BTRC: variants seen among roughly 807,000 people sequenced by gnomAD.
BTRC encodes beta-transducin repeat containing E3 ubiquitin protein ligase.
BTRC carries 42 observed loss-of-function variants against 85.5 expected under a neutral mutation model. The observed-to-expected ratio is 0.49, with a 90% CI of 0.38 to 0.64. The LOEUF is 0.64. BTRC is among the 30% of genes least tolerant of loss of function. BTRC has a pLI of 0.00. For synonymous variants in BTRC, 255 were observed against 263.3 expected (o/e 0.97, Z 0.30); for missense variants, 594 against 743.5 (o/e 0.80, Z 2.34).
chr10:101,414,343 A>G (rs1589437900), intron 1 of BTRC, among the ~76,000 whole-genome samples: 1 of 152,312 alleles, frequency 6.6e-6, no homozygotes, highest in Non-Finnish European at 1.5e-5. Context: ...ATGTAACGTC[A>G]TATAATGCAA....
Position 101,522,359 on chromosome 10 carries a change from AAAAAAAACAAAAAAAAAC to A in BTRC, c.556+497_556+514del, listed in dbSNP as rs1175954218. 2.1e-3 allele frequency among the ~76,000 whole-genome samples: 148 copies of A among 71,430 alleles called. 1 individual carries two copies. The highest frequency in any genetic ancestry group is 7.8e-3 in the African/African-American group (139 of 17,888). The allele number at this position is 71,430 out of a possible 152,430, so 46.9% of individuals were successfully genotyped here. On this transcript the variant is annotated intron_variant, in intron 5 of 14. Coordinates refer to ENST00000370187, the MANE Select transcript of BTRC (RefSeq NM_033637.4). Reference sequence around the variant, plus strand: ...CCAGCTGGTATAAAGCTTTAAAAAAAAAAAAAACAAAAAAAAACAAAAAAAAAAAAACTCTAGAAATAA... The same window carrying A: ...CCAGCTGGTATAAAGCTTTAAAAAAAAAAAAAAAAAAAACTCTAGAAATAA...
intron 4 of BTRC, among the ~76,000 whole-genome samples, chr10:101,519,456 G>C (rs571394541): frequency 4.7e-4 from 72 of 152,178 alleles, no homozygotes; most frequent in African/African-American, 1.6e-3. Flanking sequence ...CTTACTGGCT[G>C]TCAGCTGGGG....
chr10:101,455,990 A>ACACACACACACACACACACACACACACG (rs1945069169), intron 2 of BTRC, among the ~76,000 whole-genome samples: 1 of 147,306 alleles, frequency 6.8e-6, no homozygotes, highest in Non-Finnish European at 1.5e-5. Flanking sequence ...AAAAACACAC[A>ACACACACACACACACACACACACACACG]CACACACACA....
chr10:101,530,027 AT>A (rs1296477506), intron 6 of BTRC, among the ~76,000 whole-genome samples: 1 of 152,072 alleles, frequency 6.6e-6, no homozygotes. Context: ...GAGGAATTAA[AT>A]TTTTTACCCA....
chr10:101,387,887 G>A (rs1215155566), intron 1 of BTRC, among the ~76,000 whole-genome samples: 1 of 151,766 alleles, frequency 6.6e-6, no homozygotes, highest in Admixed American at 6.6e-5. Flanking sequence ...ACGGGGCTTT[G>A]CCATGTTGGT....
At chr10:101,522,150 C>T (rs1335106737) in intron 5 of BTRC, among the ~76,000 whole-genome samples, 2 of 145,808 alleles carry the variant, frequency 1.4e-5, no homozygotes, top group African/African-American at 2.5e-5. Flanking sequence ...ACGCCATTCT[C>T]CTGCCTCAGC....
intron 1 of BTRC, among the ~76,000 whole-genome samples, chr10:101,414,979 T>A (rs11190999): frequency 1.2e-3 from 190 of 152,144 alleles, no homozygotes; most frequent in African/African-American, 4.3e-3. Flanking sequence ...GACAAAAGTA[T>A]GTTTTAATAA....
At chr10:101,362,500 A>C (rs184637718) in intron 1 of BTRC, among the ~76,000 whole-genome samples, 1 of 151,366 alleles carries the variant, frequency 6.6e-6, no homozygotes, top group Non-Finnish European at 1.5e-5. Context: ...GGTTCAAGCT[A>C]TTCTCCTGCC....
chr10:101,527,957 A>T (rs1350360930), intron 6 of BTRC, among the ~76,000 whole-genome samples: 1 of 152,132 alleles, frequency 6.6e-6, no homozygotes, highest in East Asian at 1.9e-4. Flanking sequence ...ATAAAAATGG[A>T]GTTATATGGT....
chr10:101,366,830 T>TTATATATATATTAATATATATTTA, intron 1 of BTRC, among the ~76,000 whole-genome samples: 1 of 45,078 alleles, frequency 2.2e-5, no homozygotes, highest in Admixed American at 4.3e-4. Flanking sequence ...TAATATATAT[T>TTATATATATATTAATATATATTTA]TATATATATT....
intron 2 of BTRC, among the ~76,000 whole-genome samples, chr10:101,454,427 A>T (rs1380196047): frequency 6.6e-6 from 1 of 152,120 alleles, no homozygotes; most frequent in Admixed American, 6.6e-5. Context: ...AATGTGTAAG[A>T]CTTGAATAGA....
chr10:101,368,690 A>C (rs1942546535), intron 1 of BTRC, among the ~76,000 whole-genome samples: 1 of 151,970 alleles, frequency 6.6e-6, no homozygotes, highest in Non-Finnish European at 1.5e-5. Context: ...TGGGAGTCCC[A>C]GTTGCTGAAC....
At position 101,430,332 on chromosome 10, in the gene BTRC, C is replaced by T. The variant is rs1465262471; in HGVS notation, c.49-13C>T. ...TCATACTGTCCCATCTCATAGTTGT[C>T]CTCTCTCTGCAGTGCTCTATGCCCA... On this transcript the variant is annotated splice_polypyrimidine_tract_variant and intron_variant, in intron 1 of 14. Transcript: ENST00000370187. 6.3e-7 allele frequency: 1 copy of T among 1,599,998 alleles called. No individual in the cohort carries two copies. Among genetic ancestry groups the T allele is most frequent in the African/African-American group, 1.3e-5 (1 of 74,534 alleles).
chr10:101,374,947 A>G (rs1942750334), intron 1 of BTRC, among the ~76,000 whole-genome samples: 1 of 152,164 alleles, frequency 6.6e-6, no homozygotes, highest in Non-Finnish European at 1.5e-5. Flanking sequence ...CAGTTTTATC[A>G]AGATCTGCCA....
chr10:101,489,117 T>C (rs1032789497), intron 4 of BTRC, among the ~76,000 whole-genome samples: 3 of 152,148 alleles, frequency 2.0e-5, no homozygotes, highest in Non-Finnish European at 4.4e-5. Flanking sequence ...AGAACAGAAA[T>C]CTGATTTTTT....
intron 4 of BTRC, among the ~76,000 whole-genome samples, chr10:101,506,232 A>G (rs567735135): frequency 1.3e-5 from 2 of 152,180 alleles, no homozygotes; most frequent in East Asian, 1.9e-4. Context: ...TAGTTTTCCA[A>G]ATTTTTTTAC....
At chr10:101,438,405 A>G (rs1225525269) in intron 2 of BTRC, among the ~76,000 whole-genome samples, 2 of 127,380 alleles carry the variant, frequency 1.6e-5, no homozygotes, top group African/African-American at 5.8e-5. Flanking sequence ...AGCCTGGGCG[A>G]CAGAGCGAGA....
intron 1 of BTRC, among the ~76,000 whole-genome samples, chr10:101,405,790 T>C (rs1410911105): frequency 3.9e-5 from 6 of 152,220 alleles, no homozygotes; most frequent in African/African-American, 9.6e-5. Flanking sequence ...CCTTTTGATA[T>C]TGATTTATGC....
chr10:101,409,628 T>C (rs1024252919), intron 1 of BTRC, among the ~76,000 whole-genome samples: 1 of 152,174 alleles, frequency 6.6e-6, no homozygotes, highest in African/African-American at 2.4e-5. Context: ...TACTGAATAT[T>C]GTAGGCAGTT....
Sources: gnomAD v4.1 joint callset for allele counts (sites outside exome capture counted in the v4.1 genomes callset) on GRCh38, gnomAD v4.1.1 for gene constraint, MANE v1.5 for transcripts, NCBI Gene and HGNC (gene_info 2026-07-23, HGNC 2026-07-21) for gene names.